DDX10: variants seen among roughly 807,000 people sequenced by gnomAD.
The protein encoded by DDX10 is probable ATP-dependent RNA helicase DDX10.
Under a neutral mutation model 104.3 loss-of-function variants are expected in DDX10, and 74 were observed. That is an observed-to-expected ratio of 0.71 (90% CI 0.59 to 0.86). The LOEUF is 0.86. Among genes scored for constraint, DDX10 ranks in the 40% least tolerant of loss-of-function variants. The probability of loss-of-function intolerance (pLI) is 0.00; values close to 1 mark genes in which losing one functional copy is unlikely to be tolerated. For missense variants in DDX10, 952 were observed against 1,040.0 expected (o/e 0.92, Z 1.16); for synonymous variants, 351 against 353.4 (o/e 0.99, Z 0.08).
intron 13 of DDX10, among the ~76,000 whole-genome samples, chr11:108,806,203 TC>T (rs1862098164): frequency 6.6e-6 from 1 of 152,178 alleles, no homozygotes; most frequent in African/African-American, 2.4e-5. Flanking sequence ...CCTCAGGTGA[TC>T]CCTCCGCCTT....
At chr11:108,717,908 C>T (rs2094293548) in intron 11 of DDX10, among the ~76,000 whole-genome samples, 1 of 152,106 alleles carries the variant, frequency 6.6e-6, no homozygotes, top group South Asian at 2.1e-4. Context: ...CCTATAATCC[C>T]AGCACTTTGG....
At chr11:108,907,553 C>T (rs539195267) in intron 16 of DDX10, among the ~76,000 whole-genome samples, 2 of 152,200 alleles carry the variant, frequency 1.3e-5, no homozygotes, top group Admixed American at 6.5e-5. Flanking sequence ...CCAGGCTGGT[C>T]TCAAATTCCC....
At chr11:108,712,067 T>C (rs899583158) in intron 10 of DDX10, among the ~76,000 whole-genome samples, 2 of 152,238 alleles carry the variant, frequency 1.3e-5, no homozygotes, top group African/African-American at 4.8e-5. Flanking sequence ...CATTTATCCC[T>C]GATAAGTTTA....
intron 13 of DDX10, among the ~76,000 whole-genome samples, chr11:108,799,631 G>T (rs1469687138): frequency 6.6e-6 from 1 of 152,152 alleles, no homozygotes; most frequent in African/African-American, 2.4e-5. Flanking sequence ...TTTTCTTGCA[G>T]ACTTCCCATT....
At chr11:108,711,186 T>G (rs569957666) in intron 10 of DDX10, among the ~76,000 whole-genome samples, 1 of 152,264 alleles carries the variant, frequency 6.6e-6, no homozygotes, top group Non-Finnish European at 1.5e-5. Context: ...GTACTGCTTT[T>G]GTTGCATTCC....
chr11:108,912,430 T>G (rs1863692664), intron 16 of DDX10, among the ~76,000 whole-genome samples: 1 of 152,196 alleles, frequency 6.6e-6, no homozygotes, highest in African/African-American at 2.4e-5. Context: ...TGCCACTTCC[T>G]TCATTAATTA....
intron 17 of DDX10, among the ~76,000 whole-genome samples, chr11:108,925,059 T>G (rs997036623): frequency 6.6e-5 from 10 of 152,326 alleles, no homozygotes; most frequent in South Asian, 2.1e-4. Flanking sequence ...GCCAAGCAAC[T>G]TTCAAGAGAA....
At chr11:108,775,319 T>G (rs2094368513) in intron 13 of DDX10, among the ~76,000 whole-genome samples, 1 of 152,204 alleles carries the variant, frequency 6.6e-6, no homozygotes, top group Non-Finnish European at 1.5e-5. Flanking sequence ...CAGAAAGATC[T>G]ATGAAGACTT....
At chr11:108,779,884 G>C (rs1430622320) in intron 13 of DDX10, among the ~76,000 whole-genome samples, 2 of 152,052 alleles carry the variant, frequency 1.3e-5, no homozygotes, top group East Asian at 3.9e-4. Flanking sequence ...CAAAATTCCT[G>C]GGTTAAAGGG....
Position 108,940,495 on chromosome 11 carries a change from G to T in DDX10, c.*72G>T, listed in dbSNP as rs1382652988. ...GTAGGCAAGAAGTTGAAAAACAGTT[G>T]ATTTGGGGGCACTTAGGTACCATAT... On this transcript the variant is annotated 3_prime_UTR_variant, in exon 18 of 18. Transcript: ENST00000322536. The T allele has an allele frequency of 5.9e-6, 9 of 1,525,434 alleles. No homozygotes were observed. The highest frequency in any genetic ancestry group is 8.0e-6 in the Non-Finnish European group (9 of 1,124,278). The allele number at this position is 1,525,434 out of a possible 1,614,324, so 94.5% of individuals were successfully genotyped here.
intron 16 of DDX10, among the ~76,000 whole-genome samples, chr11:108,891,170 A>G (rs773867742): frequency 6.6e-6 from 1 of 152,210 alleles, no homozygotes; most frequent in Admixed American, 6.5e-5. Context: ...GGTGACAGGA[A>G]TTATGTTTTA....
At chr11:108,803,380 G>A (rs1186088923) in intron 13 of DDX10, among the ~76,000 whole-genome samples, 1 of 151,506 alleles carries the variant, frequency 6.6e-6, no homozygotes, top group Non-Finnish European at 1.5e-5. Context: ...GATCACCTGC[G>A]GTCGTGAGTT....
chr11:108,725,804 A>G lies in DDX10; in HGVS notation c.1965+2342A>G, dbSNP rs150430830. ...TCTTAAATTTTGAAGTCTGATTTCA[A>G]TCACATTTTAGGTAATTTATATATG... On this transcript the variant is annotated intron_variant, in intron 13 of 17. Transcript: ENST00000322536. Among the ~76,000 whole-genome samples, 1,458 of 152,150 alleles carry G rather than the reference A, an allele frequency of 9.6e-3. 21 individuals carry two copies. The highest frequency in any genetic ancestry group is 0.034 in the African/African-American group (1,397 of 41,540).
intron 16 of DDX10, among the ~76,000 whole-genome samples, chr11:108,896,693 G>T (rs1213593521): frequency 6.6e-6 from 1 of 152,098 alleles, no homozygotes; most frequent in Non-Finnish European, 1.5e-5. Flanking sequence ...AGCCAGTTTG[G>T]TATTATACAT....
rs2094225141 is a variant in DDX10 at position 108,676,365 on chromosome 11, C to G, written c.378+639C>G. ...TTAAATCCTAGTGTGTTTTTGCCCC[C>G]TTAAAAAAAAAGGCTCCCTATAGCT... is the stretch of plus-strand genomic sequence containing the variant. On this transcript the variant is annotated intron_variant, in intron 3 of 17. Coordinates refer to ENST00000322536, the MANE Select transcript of DDX10 (RefSeq NM_004398.4). 2.6e-5 allele frequency among the ~76,000 whole-genome samples: 4 copies of G among 151,660 alleles called. No individual in the cohort carries two copies. In the South Asian group the frequency reaches 8.3e-4, roughly 32 times the overall value.
intron 17 of DDX10, chr11:108,922,046 C>T (rs1044265643): frequency 6.6e-6 from 1 of 150,710 alleles, no homozygotes. Flanking sequence ...GAGATTGAGA[C>T]CATACTGGCC....
In DDX10 at chr11:108,725,153, AGTTT is replaced by A. The variant is rs560428178; in HGVS notation, c.1965+1695_1965+1698del. 7.2e-5 allele frequency among the ~76,000 whole-genome samples: 11 copies of A among 152,108 alleles called. No homozygotes were observed. In the South Asian group the frequency reaches 2.3e-3, roughly 32 times the overall value. ...GCTTAACGTTATTGCATGCATCAGT[AGTTT>A]GTTCCTTTTAATTGCTGAGTAAGTA... is the stretch of plus-strand genomic sequence containing the variant. On this transcript the variant is annotated intron_variant, in intron 13 of 17. Transcript: ENST00000322536.
chr11:108,865,657 C>A (rs1863000050), intron 16 of DDX10, among the ~76,000 whole-genome samples: 1 of 151,940 alleles, frequency 6.6e-6, no homozygotes, highest in Non-Finnish European at 1.5e-5. Context: ...AAGATTTGGG[C>A]TGACTCAGGA....
At chr11:108,716,865 T>C (rs1375086609) in intron 11 of DDX10, among the ~76,000 whole-genome samples, 1 of 152,230 alleles carries the variant, frequency 6.6e-6, no homozygotes, top group African/African-American at 2.4e-5. Context: ...TAAATGAAGC[T>C]AACTAGCATA....
Sources: gnomAD v4.1 joint callset for allele counts (sites outside exome capture counted in the v4.1 genomes callset) on GRCh38, gnomAD v4.1.1 for gene constraint, MANE v1.5 for transcripts, NCBI Gene and HGNC (gene_info 2026-07-23, HGNC 2026-07-21) for gene names.